ARL15: variants seen among roughly 807,000 people sequenced by gnomAD.
The protein encoded by ARL15 is ADP-ribosylation factor-like protein 15.
ARL15 carries 19 observed loss-of-function variants against 25.2 expected under a neutral mutation model. That is an observed-to-expected ratio of 0.75 (90% CI 0.53 to 1.10). The LOEUF is 1.10. ARL15 is among the 50% of genes least tolerant of loss of function. The pLI is 0.00. For synonymous variants in ARL15, 94 were observed against 86.8 expected, an observed-to-expected ratio of 1.08 and a Z score of -0.46; for missense variants, 220 against 246.0, an observed-to-expected ratio of 0.89 and a Z score of 0.71.
chr5:53,980,199 T>G (rs1338086265), intron 4 of ARL15, among the ~76,000 whole-genome samples: 1 of 152,244 alleles, frequency 6.6e-6, no homozygotes, highest in Non-Finnish European at 1.5e-5. Flanking sequence ...CTTCATTATC[T>G]CTATCTTCCA....
chr5:54,060,660 CTAA>C (rs1373182115), intron 4 of ARL15, among the ~76,000 whole-genome samples: 1 of 152,116 alleles, frequency 6.6e-6, no homozygotes, highest in Non-Finnish European at 1.5e-5. Context: ...TGAAAATGGA[CTAA>C]TAATACAGTA....
At chr5:54,037,656 A>G (rs1750213592) in intron 4 of ARL15, among the ~76,000 whole-genome samples, 1 of 152,110 alleles carries the variant, frequency 6.6e-6, no homozygotes, top group Non-Finnish European at 1.5e-5. Flanking sequence ...ATTGGCAACC[A>G]TTGTGAACTT....
intron 4 of ARL15, among the ~76,000 whole-genome samples, chr5:54,035,741 C>T (rs578230433): frequency 1.6e-4 from 24 of 152,042 alleles, no homozygotes; most frequent in South Asian, 1.2e-3. Flanking sequence ...AGTCTATTTC[C>T]GATACATTTT....
chr5:54,222,886 C>A (rs1230963072), intron 1 of ARL15, among the ~76,000 whole-genome samples: 6 of 152,142 alleles, frequency 3.9e-5, no homozygotes, highest in African/African-American at 1.4e-4. Flanking sequence ...GTGGCACAAT[C>A]TCGGCTGACT....
intron 1 of ARL15, among the ~76,000 whole-genome samples, chr5:54,303,963 A>G (rs1758685423): frequency 6.6e-6 from 1 of 152,200 alleles, no homozygotes; most frequent in Admixed American, 6.5e-5. Context: ...TTCCCAGCAC[A>G]CAACATAGTT....
intron 4 of ARL15, among the ~76,000 whole-genome samples, chr5:53,929,824 G>T (rs182701757): frequency 6.6e-6 from 1 of 152,020 alleles, no homozygotes; most frequent in African/African-American, 2.4e-5. Flanking sequence ...ATGCAAATGG[G>T]AAATAAAGGT....
At chr5:54,158,299 G>A (rs184232551) in intron 2 of ARL15, among the ~76,000 whole-genome samples, 14 of 152,248 alleles carry the variant, frequency 9.2e-5, no homozygotes, top group Admixed American at 2.6e-4. Flanking sequence ...AGCATTCTCT[G>A]GTGTCCTCGA....
intron 1 of ARL15, among the ~76,000 whole-genome samples, chr5:54,173,723 A>G (rs1296383566): frequency 6.6e-6 from 1 of 152,098 alleles, no homozygotes; most frequent in East Asian, 1.9e-4. Flanking sequence ...TTGCTTATAA[A>G]GAGAAAATCT....
intron 4 of ARL15, among the ~76,000 whole-genome samples, chr5:54,069,193 AATG>A (rs1335730285): frequency 6.6e-6 from 1 of 152,174 alleles, no homozygotes; most frequent in Non-Finnish European, 1.5e-5. Context: ...TGAGGGTAAT[AATG>A]ATGATAATAG....
At chr5:54,128,305 T>A (rs1377093152) in intron 3 of ARL15, among the ~76,000 whole-genome samples, 1 of 152,214 alleles carries the variant, frequency 6.6e-6, no homozygotes, top group Non-Finnish European at 1.5e-5. Flanking sequence ...CAACAAAGCA[T>A]CAGTTTTTAC....
intron 4 of ARL15, among the ~76,000 whole-genome samples, chr5:53,946,814 T>C (rs971183538): frequency 1.3e-4 from 20 of 152,076 alleles, no homozygotes; most frequent in African/African-American, 4.3e-4. Flanking sequence ...ATCACAGGAA[T>C]CTCCTCAGAC....
intron 4 of ARL15, among the ~76,000 whole-genome samples, chr5:54,071,700 G>A (rs893711274): frequency 2.6e-5 from 4 of 151,982 alleles, no homozygotes; most frequent in Admixed American, 1.3e-4. Context: ...GGCCAGGCGC[G>A]GTGGCTCACG....
rs191478898 is a variant in ARL15, at chr5:53,985,965, C to T, written c.463-99252G>A. Among the ~76,000 whole-genome samples, 174 of 152,266 alleles carry T rather than the reference C, an allele frequency of 1.1e-3. 1 individual carries two copies. Among genetic ancestry groups the T allele is most frequent in the South Asian group, 1.5e-3 (7 of 4,820 alleles). On this transcript the variant is annotated intron_variant, in intron 4 of 4. Coordinates refer to ENST00000504924, the MANE Select transcript of ARL15 (RefSeq NM_019087.3). ...CTGATGTCTCTCTGTAGGAATTTTT[C>T]GGTGGGGCTTGGGGATGACACCCAG...
At chr5:54,240,643 G>T (rs1171739200) in intron 1 of ARL15, among the ~76,000 whole-genome samples, 1 of 152,102 alleles carries the variant, frequency 6.6e-6, no homozygotes, top group Admixed American at 6.5e-5. Context: ...ATTGTGCCAG[G>T]CACTCAAAAA....
intron 3 of ARL15, among the ~76,000 whole-genome samples, chr5:54,152,057 G>C (rs1334899243): frequency 6.6e-6 from 1 of 151,988 alleles, no homozygotes; most frequent in Non-Finnish European, 1.5e-5. Context: ...ATTTTCTTGA[G>C]GTCCTCCCCT....
chr5:53,953,962 T>A (rs1747059268), intron 4 of ARL15, among the ~76,000 whole-genome samples: 1 of 152,138 alleles, frequency 6.6e-6, no homozygotes, highest in Admixed American at 6.5e-5. Flanking sequence ...TATACAGATG[T>A]ACATTAAACA....
chr5:54,206,852 G>A (rs1755883895), intron 1 of ARL15, among the ~76,000 whole-genome samples: 1 of 152,176 alleles, frequency 6.6e-6, no homozygotes, highest in Admixed American at 6.5e-5. Flanking sequence ...TTCTAATAAT[G>A]TCTCTGATAC....
intron 4 of ARL15, among the ~76,000 whole-genome samples, chr5:54,051,907 G>A (rs1750711526): frequency 6.6e-6 from 1 of 152,102 alleles, no homozygotes; most frequent in Non-Finnish European, 1.5e-5. Flanking sequence ...TCCAATAGAA[G>A]AATCGACTAC....
chr5:53,989,126 G>T lies in ARL15; in HGVS notation c.463-102413C>A, dbSNP rs1748397570. Among the ~76,000 whole-genome samples, 3 of 152,128 alleles carry T rather than the reference G, an allele frequency of 2.0e-5. No individual in the cohort carries two copies. In the South Asian group the frequency reaches 6.2e-4, roughly 31 times the overall value. ...TCAGTCAGACTTGGGCTGGAATTCT[G>T]CTTCTACCACCCACCAGGCAAAGTA... On this transcript the variant is annotated intron_variant, in intron 4 of 4. Transcript: ENST00000504924.
Sources: allele counts gnomAD v4.1 joint callset (sites outside exome capture counted in the v4.1 genomes callset), GRCh38; gene constraint gnomAD v4.1.1; transcripts MANE v1.5; gene names NCBI Gene and HGNC (gene_info 2026-07-23, HGNC 2026-07-21).